TLL1: variants seen among roughly 807,000 people sequenced by gnomAD.
TLL1 encodes the protein tolloid-like protein 1.
In TLL1, 49 loss-of-function variants were observed where a neutral mutation model predicts 128.2. That is an observed-to-expected ratio of 0.38 (90% CI 0.30 to 0.48). The LOEUF (loss-of-function observed/expected upper bound fraction) is 0.48. Among genes scored for constraint, TLL1 ranks in the 20% least tolerant of loss-of-function variants. TLL1 has a pLI of 0.96. For synonymous variants in TLL1, 454 were observed against 418.8 expected, an observed-to-expected ratio of 1.08 and a Z score of -1.03; for missense variants, 1,123 against 1,242.0, an observed-to-expected ratio of 0.90 and a Z score of 1.44.
At chr4:165,916,469 AG>A (rs1274514090) in intron 1 of TLL1, among the ~76,000 whole-genome samples, 1 of 152,198 alleles carries the variant, frequency 6.6e-6, no homozygotes, top group African/African-American at 2.4e-5. Flanking sequence ...GGTGTACATC[AG>A]CGTCTGTGAA....
intron 9 of TLL1, among the ~76,000 whole-genome samples, chr4:166,033,834 A>G (rs926556270): frequency 4.6e-5 from 7 of 152,150 alleles, no homozygotes; most frequent in Non-Finnish European, 1.0e-4. Flanking sequence ...ATAGAAGCGC[A>G]TGGTATTGAT....
chr4:166,005,826 A>T (rs1737399535), intron 6 of TLL1, among the ~76,000 whole-genome samples: 1 of 151,942 alleles, frequency 6.6e-6, no homozygotes, highest in Non-Finnish European at 1.5e-5. Context: ...TCCTGTTTCA[A>T]TATAAATATG....
At chr4:165,917,485 CAGG>C (rs1465624562) in intron 1 of TLL1, among the ~76,000 whole-genome samples, 2 of 152,080 alleles carry the variant, frequency 1.3e-5, no homozygotes, top group African/African-American at 4.8e-5. Context: ...TAATAGGTAT[CAGG>C]TGTAACTTTT....
At chr4:165,881,807 G>A (rs150205048) in intron 1 of TLL1, among the ~76,000 whole-genome samples, 1 of 152,290 alleles carries the variant, frequency 6.6e-6, no homozygotes, top group Non-Finnish European at 1.5e-5. Flanking sequence ...TGTGACAGCA[G>A]GCTTTCCATG....
At chr4:165,943,679 A>G (rs182969754) in intron 1 of TLL1, among the ~76,000 whole-genome samples, 20 of 152,138 alleles carry the variant, frequency 1.3e-4, no homozygotes, top group Admixed American at 1.1e-3. Context: ...GAAGCAAAAT[A>G]CTTATTACTG....
chr4:165,931,470 G>A (rs1309589884), intron 1 of TLL1, among the ~76,000 whole-genome samples: 1 of 152,140 alleles, frequency 6.6e-6, no homozygotes, highest in Admixed American at 6.5e-5. Flanking sequence ...TGTAATCCCA[G>A]CACTTTGGGA....
intron 8 of TLL1, among the ~76,000 whole-genome samples, chr4:166,017,039 A>G (rs1312208070): frequency 2.6e-5 from 4 of 152,020 alleles, no homozygotes; most frequent in Non-Finnish European, 5.9e-5. Flanking sequence ...CCTGTCACCC[A>G]GGTTCTAAGC....
At chr4:165,916,955 G>A (rs1046457888) in intron 1 of TLL1, among the ~76,000 whole-genome samples, 2 of 152,036 alleles carry the variant, frequency 1.3e-5, no homozygotes, top group Non-Finnish European at 2.9e-5. Context: ...ATCTTCTCAT[G>A]CCCATTTGTT....
intron 19 of TLL1, 147 bp from the exon 20 acceptor site, chr4:166,099,130 C>T: frequency 2.3e-6 from 3 of 1,288,372 alleles, no homozygotes; most frequent in East Asian, 2.4e-5. Context: ...CACTATCTGA[C>T]TCTCCAGTTG....
chr4:166,090,917 T>G (rs1741740041), intron 18 of TLL1, among the ~76,000 whole-genome samples: 1 of 152,068 alleles, frequency 6.6e-6, no homozygotes, highest in Non-Finnish European at 1.5e-5. Context: ...TAGTGGAATT[T>G]CATATGAAGT....
At chr4:165,941,057 A>T (rs1733983646) in intron 1 of TLL1, among the ~76,000 whole-genome samples, 2 of 152,014 alleles carry the variant, frequency 1.3e-5, no homozygotes, top group South Asian at 4.1e-4. Flanking sequence ...TTTAGATCTG[A>T]GACAGGTAGG....
chr4:166,065,071 A>G (rs1471155169), intron 15 of TLL1, among the ~76,000 whole-genome samples: 1 of 152,050 alleles, frequency 6.6e-6, no homozygotes, highest in African/African-American at 2.4e-5. Context: ...AGCTTCTTCC[A>G]TTTTAGTGTT....
intron 11 of TLL1, among the ~76,000 whole-genome samples, chr4:166,042,364 G>C (rs1739277649): frequency 6.6e-6 from 1 of 152,132 alleles, no homozygotes; most frequent in African/African-American, 2.4e-5. Flanking sequence ...AATGTGTTCA[G>C]GATGTGTGGA....
At chr4:165,893,139 C>T (rs1731497785) in intron 1 of TLL1, among the ~76,000 whole-genome samples, 1 of 151,994 alleles carries the variant, frequency 6.6e-6, no homozygotes. Flanking sequence ...GATATTTGGT[C>T]CAAATTGAGT....
chr4:165,919,754 G>A (rs1049814457), intron 1 of TLL1: 38 of 453,106 alleles, frequency 8.4e-5, no homozygotes, highest in East Asian at 7.7e-4. Flanking sequence ...GTGGCCAGAC[G>A]TGGATGCAGT....
chr4:166,007,300 G>A (rs1737484375), intron 6 of TLL1, among the ~76,000 whole-genome samples: 1 of 151,766 alleles, frequency 6.6e-6, no homozygotes, highest in Non-Finnish European at 1.5e-5. Context: ...ACTAACAGAT[G>A]TGGAAATTTG....
chr4:165,900,045 C>T (rs1170517429), intron 1 of TLL1, among the ~76,000 whole-genome samples: 1 of 148,572 alleles, frequency 6.7e-6, no homozygotes, highest in Non-Finnish European at 1.5e-5. Flanking sequence ...GTAACCCCTG[C>T]TTTCCCTGAT....
intron 6 of TLL1, among the ~76,000 whole-genome samples, chr4:166,004,120 T>C (rs1239056976): frequency 1.3e-5 from 2 of 152,138 alleles, no homozygotes; most frequent in African/African-American, 4.8e-5. Context: ...AAATTTTCAG[T>C]AATTGAAATA....
chr4:165,874,462 C>T (rs1047130517), intron 1 of TLL1, among the ~76,000 whole-genome samples: 1 of 152,192 alleles, frequency 6.6e-6, no homozygotes, highest in Non-Finnish European at 1.5e-5. Context: ...TTCCCCTCTC[C>T]CCCAGGGCGC....
Sources: allele counts gnomAD v4.1 joint callset (sites outside exome capture counted in the v4.1 genomes callset), GRCh38; gene constraint gnomAD v4.1.1; transcripts MANE v1.5; gene names NCBI Gene and HGNC (gene_info 2026-07-23, HGNC 2026-07-21).